Variants in IP6K2 observed in about 807,000 individuals in gnomAD.
IP6K2 encodes ATP:1D-myo-inositol-hexakisphosphate phosphotransferase.
In IP6K2, 9 loss-of-function variants were observed where a neutral mutation model predicts 43.3. The ratio of observed to expected loss-of-function variants is 0.21; its 90% CI spans 0.13 to 0.36. The LOEUF is 0.36. IP6K2 is among the 10% of genes least tolerant of loss of function. The pLI is 1.00. For missense variants in IP6K2, 332 were observed against 538.4 expected, an observed-to-expected ratio of 0.62 and a Z score of 3.79; for synonymous variants, 209 against 202.4, an observed-to-expected ratio of 1.03 and a Z score of -0.28.
At chr3:48,703,058 A>C (rs959732377) in intron 1 of IP6K2, among the ~76,000 whole-genome samples, 1 of 152,196 alleles carries the variant, frequency 6.6e-6, no homozygotes, top group Non-Finnish European at 1.5e-5. Flanking sequence ...ATATTAGTTT[A>C]CTTTGCATTT....
At chr3:48,707,612 T>TA (rs1473014160) in intron 1 of IP6K2, among the ~76,000 whole-genome samples, 1 of 152,094 alleles carries the variant, frequency 6.6e-6, no homozygotes, top group East Asian at 1.9e-4. Flanking sequence ...TTTTTATATA[T>TA]TTTTTAGTAA....
intron 2 of IP6K2, chr3:48,693,763 CT>C: frequency 9.6e-7 from 1 of 1,038,542 alleles, no homozygotes; most frequent in Non-Finnish European, 1.2e-6. Context: ...GCACCCAGGC[CT>C]TTTGTTCTTA....
At chr3:48,715,957 A>G (rs1202487180) in intron 1 of IP6K2, among the ~76,000 whole-genome samples, 4 of 152,078 alleles carry the variant, frequency 2.6e-5, no homozygotes, top group African/African-American at 9.7e-5. Context: ...CTAGGCCATC[A>G]ATTTGCCTAT....
At position 48,695,162 on chromosome 3, in the gene IP6K2, G is replaced by T; in HGVS notation, c.130C>A (p.Leu44Met). 1 of 1,607,492 alleles carries T rather than the reference G, an allele frequency of 6.2e-7. No individual in the cohort carries two copies. The change falls in exon 2 of 6, where the codon CTG becomes ATG. Residue 44 changes from leucine (L) to methionine (M), a missense_variant. By Grantham distance (15) the Leu-to-Met change is conservative. Transcript: ENST00000328631. This position sits in a 1 kb window ranked among gnomAD's most constrained non-coding sequence, Gnocchi z 4.6. Reference sequence around the variant, plus strand: ...TAGAACTGATGTTCCCTTGGGACCAGGGGCTTGCACAGGGTTGTCTCATTG... The same window carrying T: ...TAGAACTGATGTTCCCTTGGGACCATGGGCTTGCACAGGGTTGTCTCATTG... Reference protein sequence around the residue: ...RFNETTLCKPLVPREHQFYET... With the variant: ...RFNETTLCKPMVPREHQFYET...
intron 1 of IP6K2, chr3:48,699,870 G>GT (rs1018776420): frequency 1.3e-5 from 2 of 152,126 alleles, no homozygotes; most frequent in East Asian, 1.9e-4. Context: ...GTAACTAGTA[G>GT]TTTTTTAAAA....
chr3:48,693,972 G>C, intron 2 of IP6K2: 4 of 1,379,798 alleles, frequency 2.9e-6, no homozygotes, highest in Non-Finnish European at 3.8e-6. Context: ...GTTTCAGCAG[G>C]TGCCGACGAG....
chr3:48,695,677 G>A lies in IP6K2; in HGVS notation c.-130-256C>T, dbSNP rs973294742. The A allele has an allele frequency of 3.2e-5, 12 of 376,240 alleles. No individual in the cohort carries two copies. Among genetic ancestry groups the A allele is most frequent in the Non-Finnish European group, 4.2e-5 (9 of 215,774 alleles). The allele number at this position is 376,240 out of a possible 1,614,324, so 23.3% of individuals were successfully genotyped here. A position where few individuals can be genotyped will look rare whatever the true frequency, so the allele number is the denominator to read the frequency against. Reference sequence around the variant, plus strand: ...CCTAAAAAGGCAGAGGTCCCACTACGGTGTTAGAAAGCCACTGCCGCAGGC... The same window carrying A: ...CCTAAAAAGGCAGAGGTCCCACTACAGTGTTAGAAAGCCACTGCCGCAGGC... On this transcript the variant is annotated intron_variant, in intron 1 of 5. Transcript: ENST00000328631. The surrounding 1 kb of genome is among the most constrained non-coding windows in gnomAD (Gnocchi z 4.6).
At chr3:48,706,823 TAAAA>T (rs1228531580) in intron 1 of IP6K2, among the ~76,000 whole-genome samples, 1 of 151,948 alleles carries the variant, frequency 6.6e-6, no homozygotes, top group Non-Finnish European at 1.5e-5. Context: ...CCCAAAAAAA[TAAAA>T]AAGAAAGAAA....
chr3:48,698,233 A>G (rs907244657), intron 1 of IP6K2, among the ~76,000 whole-genome samples: 1 of 152,218 alleles, frequency 6.6e-6, no homozygotes, highest in African/African-American at 2.4e-5. Flanking sequence ...CTTTTGAATA[A>G]GAGTAATACC....
chr3:48,691,924 C>T (rs1435386135), intron 3 of IP6K2, among the ~76,000 whole-genome samples: 1 of 152,128 alleles, frequency 6.6e-6, no homozygotes, highest in Admixed American at 6.5e-5. Flanking sequence ...CAGCTCACTG[C>T]AACCTACGCC....
At position 48,688,693 on chromosome 3, in the gene IP6K2, C is replaced by T. The variant is rs2077524741; in HGVS notation, c.861G>A (p.Glu287=). ...CATTGTGGAAGAACTGGAAAAGTGC[C>T]TCCTTGAAGCCCTGCACCGATAGCT... ...GRKLSVQGFK[E]ALFQFFHNGR... The change falls in exon 6 of 6, where the codon GAG becomes GAA. Residue 287 remains glutamate, a synonymous_variant. Coordinates refer to ENST00000328631, the MANE Select transcript of IP6K2 (RefSeq NM_016291.4). This position sits in a 1 kb window ranked among gnomAD's most constrained non-coding sequence, Gnocchi z 5.1. 7 of 1,614,106 alleles carry T rather than the reference C, an allele frequency of 4.3e-6. No homozygotes were observed. The South Asian group carries it at 5.5e-5, about 13-fold the overall frequency.
chr3:48,708,217 C>A (rs2080045344), intron 1 of IP6K2: 1 of 151,966 alleles, frequency 6.6e-6, no homozygotes, highest in African/African-American at 2.4e-5. Context: ...TGTACTCCAG[C>A]CTGGGTGACA....
chr3:48,689,197 G>C (rs186897611), intron 5 of IP6K2, among the ~76,000 whole-genome samples: 101 of 152,328 alleles, frequency 6.6e-4, no homozygotes, highest in Non-Finnish European at 1.2e-3. Context: ...CCGTCGCCCA[G>C]GCTGGAGTGC....
In IP6K2 at chr3:48,688,493, T is replaced by A. The variant is rs772045943; in HGVS notation, c.1061A>T (p.Asp354Val). The change falls in exon 6 of 6, where the codon GAC (aspartate) becomes GTC (valine). Residue 354 changes from aspartate (D) to valine (V), a missense_variant. Asp to Val is a radical substitution (Grantham distance 152). Transcript: ENST00000328631. This position sits in a 1 kb window ranked among gnomAD's most constrained non-coding sequence, Gnocchi z 5.1. ...CTCATCAGCTGATTCCTCTGACAGG[T>A]CCTCCAAATCCTCAGCATCTGAGTC... is the stretch of plus-strand genomic sequence containing the variant. ...VLDSDAEDLE[D>V]LSEESADESA... The A allele has an allele frequency of 6.2e-7, 1 of 1,614,126 alleles. No homozygotes were observed. Among genetic ancestry groups the A allele is most frequent in the Non-Finnish European group, 8.5e-7 (1 of 1,180,022 alleles).
intron 1 of IP6K2, among the ~76,000 whole-genome samples, chr3:48,700,580 T>C (rs1009553467): frequency 1.3e-5 from 2 of 152,222 alleles, no homozygotes; most frequent in Non-Finnish European, 2.9e-5. Flanking sequence ...TAGCACAGCA[T>C]ACAGTTTTCC....
chr3:48,691,473 T>G lies in IP6K2; in HGVS notation c.438A>C (p.Leu146Phe). The G allele has an allele frequency of 6.2e-7, 1 of 1,608,818 alleles. No individual in the cohort carries two copies. The highest frequency in any genetic ancestry group is 8.5e-7 in the Non-Finnish European group (1 of 1,176,308). ...RKEEKMKSHK[L>F]EEEFEWLKKS... The stretch of plus-strand genomic sequence containing the variant: ...TCTTTAGCCACTCAAATTCTTCTTC[T>G]AACTTATGGCTATAAAGAGATAAGG... The change falls in exon 4 of 6, where the codon TTA (leucine) becomes TTC (phenylalanine). Residue 146 changes from leucine (L) to phenylalanine (F), a missense_variant. Transcript: ENST00000328631.
In IP6K2 at chr3:48,695,505, A is replaced by G. The variant is rs549467516; in HGVS notation, c.-130-84T>C. On this transcript the variant is annotated intron_variant, in intron 1 of 5. Coordinates refer to ENST00000328631, the MANE Select transcript of IP6K2 (RefSeq NM_016291.4). The surrounding 1 kb of genome is among the most constrained non-coding windows in gnomAD (Gnocchi z 4.6). ...GCTGCTCACCCTGCTCCTTCAGCAGAAAGACAAAGACAAACAGTCTGAGTT... is the reference window on the plus strand; with the variant it reads ...GCTGCTCACCCTGCTCCTTCAGCAGGAAGACAAAGACAAACAGTCTGAGTT... The G allele has an allele frequency of 2.4e-4, 318 of 1,302,810 alleles. 1 individual carries two copies. Among genetic ancestry groups the G allele is most frequent in the Middle Eastern group, 1.2e-3 (6 of 4,942 alleles). 80.7% of individuals were successfully genotyped at this position (1,302,810 alleles called of 1,614,324 possible).
intron 2 of IP6K2, chr3:48,693,988 TAC>T: frequency 2.2e-6 from 3 of 1,372,074 alleles, no homozygotes; most frequent in South Asian, 1.8e-5. Flanking sequence ...ACGAGCGCCT[TAC>T]AAACGACTGG....
At chr3:48,692,049 T>G (rs923713198) in intron 3 of IP6K2, among the ~76,000 whole-genome samples, 2 of 152,030 alleles carry the variant, frequency 1.3e-5, no homozygotes, top group African/African-American at 2.4e-5. Flanking sequence ...GTCAGGCTGG[T>G]CTCGAACTCC....
Sources: allele counts gnomAD v4.1 joint callset (sites outside exome capture counted in the v4.1 genomes callset), GRCh38; gene constraint gnomAD v4.1.1; non-coding constraint Gnocchi (gnomAD v3.1); transcripts MANE v1.5; gene names NCBI Gene and HGNC (gene_info 2026-07-23, HGNC 2026-07-21).